The following SEM1 variants were observed in gnomAD, a reference collection of about 807,000 sequenced individuals.
SEM1 encodes SEM1 26S proteasome subunit, also known as 26S proteasome complex subunit SEM1.
Under a neutral mutation model 12.7 loss-of-function variants are expected in SEM1, and 3 were observed. The observed-to-expected ratio is 0.24, with a 90% CI of 0.11 to 0.61. The LOEUF is 0.61. Among genes scored for constraint, SEM1 ranks in the 20% least tolerant of loss-of-function variants. SEM1 has a pLI of 0.88. For synonymous variants in SEM1, 30 were observed against 27.8 expected (o/e 1.08, Z -0.25); for missense variants, 59 against 81.3 (o/e 0.73, Z 1.06).
At chr7:96,548,729 TC>T (rs1352535754) in intron 2 of SEM1, among the ~76,000 whole-genome samples, 25 of 152,280 alleles carry the variant, frequency 1.6e-4, no homozygotes, top group African/African-American at 5.5e-4. Context: ...ACAGGTACTT[TC>T]CCCGTTTTGC....
chr7:96,653,312 TCTGA>T (rs1209977997), intron 2 of SEM1, among the ~76,000 whole-genome samples: 1 of 152,158 alleles, frequency 6.6e-6, no homozygotes, highest in Non-Finnish European at 1.5e-5. Context: ...ATGGAGGAAA[TCTGA>T]CTGTTTTCTA....
chr7:96,687,192 G>A (rs374765748), downstream of SEM1, among the ~76,000 whole-genome samples: 778 of 152,172 alleles, frequency 5.1e-3, 8 homozygotes, highest in African/African-American at 0.018. Context: ...TTGGTGGGAC[G>A]GTAAACTAGT....
At chr7:96,707,297 A>G (rs529510492) in intron 1 of SEM1, among the ~76,000 whole-genome samples, 4 of 152,356 alleles carry the variant, frequency 2.6e-5, no homozygotes, top group African/African-American at 9.6e-5. Flanking sequence ...TTCTTTGGTG[A>G]TATTTTCTGA....
intron 2 of SEM1, among the ~76,000 whole-genome samples, chr7:96,682,006 C>G (rs1489719708): frequency 6.6e-6 from 1 of 152,100 alleles, no homozygotes; most frequent in African/African-American, 2.4e-5. Flanking sequence ...ATTGATTCTT[C>G]CAATCTATGA....
At chr7:96,494,970 A>G in intron 1 of SEM1, among the ~76,000 whole-genome samples, 1 of 134,692 alleles carries the variant, frequency 7.4e-6, no homozygotes, top group Non-Finnish European at 1.6e-5. Context: ...CAGGCCATAG[A>G]AATATTGTGA....
chr7:96,636,326 T>C (rs1808423572), intron 2 of SEM1, among the ~76,000 whole-genome samples: 1 of 39,836 alleles, frequency 2.5e-5, no homozygotes, highest in Admixed American at 3.6e-4. Context: ...AAAAAGAAAA[T>C]AACTTGAAAA....
chr7:96,492,597 T>A (rs992653695), intron 1 of SEM1, among the ~76,000 whole-genome samples: 1 of 141,992 alleles, frequency 7.0e-6, no homozygotes, highest in Non-Finnish European at 1.5e-5. Context: ...TTTTTTTTTT[T>A]TTTTTTTTTT....
intron 2 of SEM1, among the ~76,000 whole-genome samples, chr7:96,533,333 C>T (rs1382280892): frequency 6.6e-6 from 1 of 152,006 alleles, no homozygotes; most frequent in African/African-American, 2.4e-5. Context: ...ATTTTCTCCT[C>T]CCACCGTCTC....
At chr7:96,533,367 T>C (rs919338718) in intron 2 of SEM1, among the ~76,000 whole-genome samples, 2 of 152,098 alleles carry the variant, frequency 1.3e-5, no homozygotes, top group African/African-American at 4.8e-5. Context: ...TCATCAAAGA[T>C]GATCATTACC....
chr7:96,492,368 G>A (rs940637132), intron 1 of SEM1, among the ~76,000 whole-genome samples: 3 of 151,956 alleles, frequency 2.0e-5, no homozygotes, highest in African/African-American at 7.2e-5. Flanking sequence ...TTGATATAAT[G>A]CCCTCAAGCT....
At chr7:96,605,059 T>A (rs1807305373) in intron 2 of SEM1, among the ~76,000 whole-genome samples, 1 of 152,210 alleles carries the variant, frequency 6.6e-6, no homozygotes, top group Non-Finnish European at 1.5e-5. Flanking sequence ...ATAATTGCAC[T>A]TTTCTTATAG....
intron 1 of SEM1, among the ~76,000 whole-genome samples, chr7:96,495,117 A>G (rs1053681240): frequency 2.6e-5 from 4 of 151,884 alleles, no homozygotes; most frequent in African/African-American, 9.7e-5. Flanking sequence ...AGATTATTCT[A>G]ATGATATTTC....
intron 2 of SEM1, among the ~76,000 whole-genome samples, chr7:96,587,865 C>A (rs1248114316): frequency 6.6e-6 from 1 of 152,012 alleles, no homozygotes; most frequent in African/African-American, 2.4e-5. Context: ...TGACATCTTC[C>A]CACAGACACT....
intron 2 of SEM1, among the ~76,000 whole-genome samples, chr7:96,604,778 G>C (rs1410641300): frequency 1.3e-5 from 2 of 151,982 alleles, no homozygotes; most frequent in Non-Finnish European, 2.9e-5. Context: ...AATTAGCCAG[G>C]CATGGTGGTG....
At chr7:96,553,093 T>C (rs1355696191) in intron 2 of SEM1, among the ~76,000 whole-genome samples, 2 of 152,206 alleles carry the variant, frequency 1.3e-5, no homozygotes, top group Non-Finnish European at 2.9e-5. Flanking sequence ...TTCTGGATAT[T>C]AGCCCTTGTC....
upstream of SEM1, among the ~76,000 whole-genome samples, chr7:96,497,929 T>G (rs1449899172): frequency 6.6e-6 from 1 of 152,076 alleles, no homozygotes; most frequent in Admixed American, 6.6e-5. Context: ...ACAAGCCTGA[T>G]GAAGAGAGAA....
intron 2 of SEM1, among the ~76,000 whole-genome samples, chr7:96,524,595 A>G (rs1441500434): frequency 6.6e-6 from 1 of 151,990 alleles, no homozygotes; most frequent in African/African-American, 2.4e-5. Context: ...GTAAAAATGA[A>G]CAGGAATTAT....
At chr7:96,503,539 G>T (rs990201082) in intron 3 of SEM1, 1 of 151,994 alleles carries the variant, frequency 6.6e-6, no homozygotes. Context: ...TCACTGAGAC[G>T]AATAAATCAT....
rs374227112 is a variant in SEM1, at chr7:96,522,387, T to C, written c.171-15689A>G. On this transcript the variant is annotated intron_variant and NMD_transcript_variant, in intron 2 of 3. Coordinates refer to the SEM1 transcript ENST00000466986. ...ATTTGGCAGTTTGTGTCCTAAACTTTTAGTTTGCTCTAACAATGATTGCCC... is the reference window on the plus strand; with the variant it reads ...ATTTGGCAGTTTGTGTCCTAAACTTCTAGTTTGCTCTAACAATGATTGCCC... Among the ~76,000 whole-genome samples the C allele has an allele frequency of 2.0e-5, 3 of 152,096 alleles. 1 individual carries two copies. Among genetic ancestry groups the C allele is most frequent in the South Asian group, 4.1e-4 (2 of 4,828 alleles).
Sources: allele counts gnomAD v4.1 joint callset (sites outside exome capture counted in the v4.1 genomes callset), GRCh38; gene constraint gnomAD v4.1.1; transcripts MANE v1.5; gene names NCBI Gene and HGNC (gene_info 2026-07-23, HGNC 2026-07-21).